The following PDE8B variants were observed in gnomAD, a reference collection of about 807,000 sequenced individuals.
PDE8B encodes the protein phosphodiesterase 8B.
In PDE8B, 26 loss-of-function variants were observed where a neutral mutation model predicts 101.3. The ratio of observed to expected loss-of-function variants is 0.26; its 90% CI spans 0.19 to 0.36. The LOEUF (loss-of-function observed/expected upper bound fraction) is 0.36. PDE8B is among the 10% of genes least tolerant of loss of function. The probability of loss-of-function intolerance (pLI) is 1.00; values close to 1 mark genes in which losing one functional copy is unlikely to be tolerated. For synonymous variants in PDE8B, 424 were observed against 429.3 expected, an observed-to-expected ratio of 0.99 and a Z score of 0.15; for missense variants, 810 against 1,163.1, an observed-to-expected ratio of 0.70 and a Z score of 4.42.
At chr5:77,238,087 G>A (rs573425501) in intron 1 of PDE8B, among the ~76,000 whole-genome samples, 16 of 152,224 alleles carry the variant, frequency 1.1e-4, no homozygotes, top group African/African-American at 3.1e-4. Flanking sequence ...GGAGTTTATC[G>A]TGTTTTGAGT....
chr5:77,201,897 G>T, the PDE8B span, among the ~76,000 whole-genome samples: 1 of 152,238 alleles, frequency 6.6e-6, no homozygotes, highest in East Asian at 1.9e-4. Flanking sequence ...CTCAGGTAAA[G>T]GTGCCAGCAG....
intron 10 of PDE8B, among the ~76,000 whole-genome samples, chr5:77,380,175 T>G (rs1787179366): frequency 6.6e-6 from 1 of 152,174 alleles, no homozygotes; most frequent in Non-Finnish European, 1.5e-5. Flanking sequence ...TTTGAAAAAG[T>G]GGATCAAAAA....
chr5:77,160,934 T>A, the PDE8B span, among the ~76,000 whole-genome samples: 2 of 152,240 alleles, frequency 1.3e-5, no homozygotes, highest in Admixed American at 6.5e-5. Flanking sequence ...ATTACAGGCA[T>A]GAGCCACCAT....
At chr5:77,364,434 A>G (rs1783734287) in intron 10 of PDE8B, among the ~76,000 whole-genome samples, 1 of 152,182 alleles carries the variant, frequency 6.6e-6, no homozygotes, top group Non-Finnish European at 1.5e-5. Flanking sequence ...TAAGAACAAA[A>G]TTCCAAGAGG....
At chr5:77,115,753 A>C in the PDE8B span, among the ~76,000 whole-genome samples, 1 of 152,200 alleles carries the variant, frequency 6.6e-6, no homozygotes, top group Non-Finnish European at 1.5e-5. Context: ...GGCCGTTGCC[A>C]TTGTTAACAT....
chr5:77,422,639 GGA>G (rs1250476929), intron 20 of PDE8B, among the ~76,000 whole-genome samples: 1 of 152,176 alleles, frequency 6.6e-6, no homozygotes, highest in Non-Finnish European at 1.5e-5. Context: ...GAGAGTTAAA[GGA>G]GAGAAATCTA....
At chr5:77,298,632 C>G (rs999233388) in intron 1 of PDE8B, among the ~76,000 whole-genome samples, 2 of 152,184 alleles carry the variant, frequency 1.3e-5, no homozygotes, top group Non-Finnish European at 2.9e-5. Flanking sequence ...AACTCCAAGT[C>G]CACATAGACC....
At chr5:77,235,837 CT>C (rs1166989267) in intron 1 of PDE8B, among the ~76,000 whole-genome samples, 3 of 150,710 alleles carry the variant, frequency 2.0e-5, no homozygotes, top group Non-Finnish European at 4.4e-5. Flanking sequence ...ACTAAAAATT[CT>C]TGTTTTCTGA....
Position 77,418,404 on chromosome 5 carries a change from C to T in PDE8B, c.2087C>T (p.Thr696Met). Residue 696 changes from threonine (T) to methionine (M), a missense_variant, in exon 18 of 22, where the codon ACG becomes ATG. Transcript: ENST00000264917. ...CACACCGCCCTGGCCTTCCAGCTCA[C>T]GGTCAAGGACACCAAATGCAACATT... ...SHHTALAFQL[T>M]VKDTKCNIFK... 6 of 1,614,032 alleles carry T rather than the reference C, an allele frequency of 3.7e-6. No individual in the cohort carries two copies. Among genetic ancestry groups the T allele is most frequent in the Non-Finnish European group, 5.1e-6 (6 of 1,179,930 alleles).
chr5:77,267,868 G>A (rs1762064762), intron 1 of PDE8B, among the ~76,000 whole-genome samples: 1 of 152,210 alleles, frequency 6.6e-6, no homozygotes, highest in Non-Finnish European at 1.5e-5. Context: ...TCTTTAGTGA[G>A]CCAATAAGTT....
the PDE8B span, among the ~76,000 whole-genome samples, chr5:77,150,912 G>C: frequency 6.6e-6 from 1 of 152,360 alleles, no homozygotes; most frequent in East Asian, 1.9e-4. Context: ...ATCCAAGCCT[G>C]TCTGCCCCCT....
chr5:77,409,020 A>T lies in PDE8B; in HGVS notation c.1493A>T (p.Asp498Val). 1 of 1,613,966 alleles carries T rather than the reference A, an allele frequency of 6.2e-7. No homozygotes were observed. The highest frequency in any genetic ancestry group is 8.5e-7 in the Non-Finnish European group (1 of 1,179,846). ...CCTCAGCTGGGTACCAAAGATGAAG[A>T]TCCCCACACCAGTGATCTTGTTGGA... ...YSPQLGTKDE[D>V]PHTSDLVGGL... The change falls in exon 14 of 22, where the codon GAT (aspartate) becomes GTT (valine). Residue 498 changes from aspartate to valine, a missense_variant. By Grantham distance (152) the Asp-to-Val change is radical. Coordinates refer to ENST00000264917, the MANE Select transcript of PDE8B (RefSeq NM_003719.5).
intron 1 of PDE8B, among the ~76,000 whole-genome samples, chr5:77,294,919 T>C (rs1768185954): frequency 6.7e-6 from 1 of 149,546 alleles, no homozygotes; most frequent in South Asian, 2.1e-4. Context: ...ATAATACATA[T>C]ACATATATAA....
At chr5:77,167,176 G>A in the PDE8B span, among the ~76,000 whole-genome samples, 1 of 152,206 alleles carries the variant, frequency 6.6e-6, no homozygotes, top group African/African-American at 2.4e-5. Context: ...CATTAAACCA[G>A]GTCATAGCAG....
intron 2 of PDE8B, among the ~76,000 whole-genome samples, chr5:77,314,520 A>T (rs903697041): frequency 3.3e-5 from 5 of 152,112 alleles, no homozygotes; most frequent in African/African-American, 1.2e-4. Flanking sequence ...CCAGTCTATG[A>T]CCATGAAATA....
At chr5:77,124,614 A>G in the PDE8B span, among the ~76,000 whole-genome samples, 1 of 151,992 alleles carries the variant, frequency 6.6e-6, no homozygotes, top group African/African-American at 2.4e-5. Context: ...AAAGAAAGAA[A>G]TATGTTTCTT....
the PDE8B span, among the ~76,000 whole-genome samples, chr5:77,109,000 G>A: frequency 1.3e-5 from 2 of 152,180 alleles, no homozygotes; most frequent in Non-Finnish European, 2.9e-5. Flanking sequence ...TCAGCCCATT[G>A]ACCATCCTAC....
the PDE8B span, chr5:77,111,996 A>T: frequency 3.4e-5 from 5 of 145,886 alleles, no homozygotes; most frequent in East Asian, 7.7e-4. Flanking sequence ...ACTTCCATTT[A>T]AAAAAAAATT....
intron 12 of PDE8B, among the ~76,000 whole-genome samples, chr5:77,407,170 T>C (rs1310225645): frequency 6.6e-6 from 1 of 152,160 alleles, no homozygotes; most frequent in African/African-American, 2.4e-5. Flanking sequence ...CCCTCCTGCC[T>C]CCAAAGTTCC....
Sources: gnomAD v4.1 joint callset for allele counts (sites outside exome capture counted in the v4.1 genomes callset) on GRCh38, gnomAD v4.1.1 for gene constraint, MANE v1.5 for transcripts, NCBI Gene and HGNC (gene_info 2026-07-23, HGNC 2026-07-21) for gene names.